Variants in CLIC5 observed in about 807,000 individuals in gnomAD.
CLIC5 encodes chloride intracellular channel protein 5.
Under a neutral mutation model 24.7 loss-of-function variants are expected in CLIC5, and 20 were observed. The ratio of observed to expected loss-of-function variants is 0.81; its 90% CI spans 0.57 to 1.18. The LOEUF is 1.18. Ranked by LOEUF, CLIC5 falls within the 50% of genes most tolerant of loss-of-function variation. The pLI is 0.00. For missense variants in CLIC5, 341 were observed against 326.1 expected, an observed-to-expected ratio of 1.05 and a Z score of -0.35; for synonymous variants, 159 against 135.6, an observed-to-expected ratio of 1.17 and a Z score of -1.20.
chr6:46,043,305 T>A (rs1223008449), intron 1 of CLIC5, among the ~76,000 whole-genome samples: 1 of 152,238 alleles, frequency 6.6e-6, no homozygotes, highest in East Asian at 1.9e-4. Flanking sequence ...TTTCTTATTT[T>A]ATAGATGAGA....
the CLIC5 span, among the ~76,000 whole-genome samples, chr6:46,124,020 T>C: frequency 6.6e-6 from 1 of 152,202 alleles, no homozygotes; most frequent in African/African-American, 2.4e-5. Flanking sequence ...AGGTAATTTA[T>C]AGATTCATTG....
chr6:45,909,865 C>G (rs181062296), intron 5 of CLIC5, among the ~76,000 whole-genome samples: 1 of 152,192 alleles, frequency 6.6e-6, no homozygotes, highest in Non-Finnish European at 1.5e-5. Context: ...AGACCATTGA[C>G]CCTGGGATCC....
chr6:46,042,288 C>G (rs1767828798), intron 1 of CLIC5, among the ~76,000 whole-genome samples: 1 of 152,104 alleles, frequency 6.6e-6, no homozygotes, highest in Admixed American at 6.5e-5. Context: ...CATTCAATAA[C>G]AAACTTATCT....
At chr6:45,953,571 G>C (rs1198274985) in intron 2 of CLIC5, among the ~76,000 whole-genome samples, 1 of 152,176 alleles carries the variant, frequency 6.6e-6, no homozygotes, top group East Asian at 1.9e-4. Flanking sequence ...GAGTAGACAG[G>C]TCACGGTGAG....
intron 3 of CLIC5, among the ~76,000 whole-genome samples, chr6:45,946,488 T>G (rs1764292630): frequency 6.6e-6 from 1 of 152,228 alleles, no homozygotes; most frequent in South Asian, 2.1e-4. Context: ...CCATAATGTG[T>G]TGGCTTTTGG....
At chr6:46,056,609 A>G (rs1353107808) in intron 1 of CLIC5, among the ~76,000 whole-genome samples, 1 of 151,974 alleles carries the variant, frequency 6.6e-6, no homozygotes, top group Non-Finnish European at 1.5e-5. Context: ...ATGGTGGGAG[A>G]ACTTACACTA....
upstream of CLIC5, among the ~76,000 whole-genome samples, chr6:46,081,495 T>C (rs1762919293): frequency 1.3e-5 from 2 of 152,192 alleles, no homozygotes; most frequent in Admixed American, 6.5e-5. Flanking sequence ...TAGAGCAGCA[T>C]TTCTAGAATT....
At chr6:45,985,073 G>A (rs1319574508) in intron 1 of CLIC5, among the ~76,000 whole-genome samples, 1 of 152,216 alleles carries the variant, frequency 6.6e-6, no homozygotes, top group Non-Finnish European at 1.5e-5. Flanking sequence ...AATTAGCTTG[G>A]TCATGCTGGA....
chr6:45,998,834 A>G (rs928366540), intron 1 of CLIC5, among the ~76,000 whole-genome samples: 3 of 152,226 alleles, frequency 2.0e-5, no homozygotes, highest in African/African-American at 7.2e-5. Flanking sequence ...GTCAGCGATC[A>G]GCTCACACCT....
chr6:46,008,240 T>C (rs1766662693), intron 1 of CLIC5, among the ~76,000 whole-genome samples: 1 of 152,172 alleles, frequency 6.6e-6, no homozygotes, highest in South Asian at 2.1e-4. Flanking sequence ...GCTCCTTTCA[T>C]ATACCACTTG....
rs547116708 is a variant in CLIC5 at position 45,951,357 on chromosome 6, T to G, written c.174-1976A>C. ...CCAATTGAATGAATGAACAATTAAT[T>G]AACTGAACAATTAATTGAACTTCCT... On this transcript the variant is annotated intron_variant, in intron 2 of 5. Transcript: ENST00000339561. Among the ~76,000 whole-genome samples, 6 of 152,294 alleles carry G rather than the reference T, an allele frequency of 3.9e-5. No individual in the cohort carries two copies. In the South Asian group the frequency reaches 1.2e-3, roughly 32 times the overall value.
Position 46,031,877 on chromosome 6 carries a change from C to CAT in CLIC5, c.540+47824_540+47825dup, listed in dbSNP as rs542118567. 1.9e-3 allele frequency among the ~76,000 whole-genome samples: 273 copies of CAT among 144,118 alleles called. 1 individual carries two copies. Among genetic ancestry groups the CAT allele is most frequent in the African/African-American group, 6.6e-3 (257 of 39,100 alleles). 94.5% of individuals were successfully genotyped at this position (144,118 alleles called of 152,430 possible). A position where few individuals can be genotyped will look rare whatever the true frequency, so the allele number is the denominator to read the frequency against. On this transcript the variant is annotated intron_variant, in intron 1 of 5. Transcript: ENST00000185206. ...TATATATATACACATATATATATAA[C>CAT]ATATATATATACACACATATATATA...
the CLIC5 span, among the ~76,000 whole-genome samples, chr6:46,101,380 T>C: frequency 6.6e-6 from 1 of 152,218 alleles, no homozygotes; most frequent in East Asian, 1.9e-4. Context: ...AAAATTACAA[T>C]AAATTTAAAG....
At chr6:45,990,860 A>G (rs915905311) in intron 1 of CLIC5, among the ~76,000 whole-genome samples, 2 of 152,170 alleles carry the variant, frequency 1.3e-5, no homozygotes, top group Non-Finnish European at 2.9e-5. Flanking sequence ...TGGATTCAAG[A>G]CCGGGTTCTT....
Position 46,061,981 on chromosome 6 carries a change from G to A in CLIC5, c.540+17722C>T, listed in dbSNP as rs183531776. 5.3e-5 allele frequency among the ~76,000 whole-genome samples: 8 copies of A among 152,340 alleles called. No homozygotes were observed. In the East Asian group the frequency reaches 1.5e-3, roughly 29 times the overall value. ...CTCCCTGTAATAGCACTGTCCTACA[G>A]AATGTTCTGTGATGACAGAAGCTGC... is the stretch of plus-strand genomic sequence containing the variant. On this transcript the variant is annotated intron_variant, in intron 1 of 5. Transcript: ENST00000185206.
At chr6:46,106,586 T>C in the CLIC5 span, among the ~76,000 whole-genome samples, 6 of 152,318 alleles carry the variant, frequency 3.9e-5, no homozygotes, top group East Asian at 1.2e-3. Flanking sequence ...AAGCCACCTA[T>C]TCAAATAGAT....
At chr6:46,122,712 G>T in the CLIC5 span, among the ~76,000 whole-genome samples, 2 of 151,610 alleles carry the variant, frequency 1.3e-5, no homozygotes, top group African/African-American at 4.9e-5. Flanking sequence ...AAAGAGAGAA[G>T]AATCAAATAG....
rs1762317506 is a variant in CLIC5, at chr6:46,062,637, G to T, written c.540+17066C>A. ...GATTGCACAAATCACTTGGTTCCAT[G>T]CCTGAAACACATGCTTCATGCACAG... is the stretch of plus-strand genomic sequence containing the variant. On this transcript the variant is annotated intron_variant, in intron 1 of 5. Transcript: ENST00000185206. Among the ~76,000 whole-genome samples, 6 of 152,320 alleles carry T rather than the reference G, an allele frequency of 3.9e-5. No individual in the cohort carries two copies. The South Asian group carries it at 1.2e-3, about 32-fold the overall frequency.
chr6:46,103,941 A>C, the CLIC5 span, among the ~76,000 whole-genome samples: 2 of 152,096 alleles, frequency 1.3e-5, no homozygotes, highest in Non-Finnish European at 2.9e-5. Flanking sequence ...TCTCTGGTGG[A>C]GCAAATGGTA....
Sources: allele counts gnomAD v4.1 joint callset (sites outside exome capture counted in the v4.1 genomes callset), GRCh38; gene constraint gnomAD v4.1.1; transcripts MANE v1.5; gene names NCBI Gene and HGNC (gene_info 2026-07-23, HGNC 2026-07-21).